The following CSMD1 variants were observed in gnomAD, a reference collection of about 807,000 sequenced individuals.
The protein encoded by CSMD1 is CUB and Sushi multiple domains 1.
In CSMD1, 213 loss-of-function variants were observed where a neutral mutation model predicts 417.5. That is an observed-to-expected ratio of 0.51 (90% CI 0.46 to 0.57). The LOEUF (loss-of-function observed/expected upper bound fraction) is 0.57, where lower values mean the gene tolerates loss of function less well. CSMD1 is among the 20% of genes least tolerant of loss of function. The pLI is 0.00. For synonymous variants in CSMD1, 2,862 were observed against 1,736.8 expected, an observed-to-expected ratio of 1.65 and a Z score of -16.11; for missense variants, 6,923 against 4,529.7, an observed-to-expected ratio of 1.53 and a Z score of -15.17.
intron 5 of CSMD1, among the ~76,000 whole-genome samples, chr8:3,846,162 C>A (rs1362921516): frequency 6.6e-6 from 1 of 152,120 alleles, no homozygotes; most frequent in African/African-American, 2.4e-5. Flanking sequence ...AAGCATTATG[C>A]ATGGTACATA....
intron 3 of CSMD1, among the ~76,000 whole-genome samples, chr8:4,344,263 T>C (rs1328118237): frequency 1.3e-5 from 2 of 152,132 alleles, no homozygotes; most frequent in Non-Finnish European, 2.9e-5. Flanking sequence ...TTACACGTGT[T>C]CATTCAATTG....
chr8:4,942,397 ATGT>A (rs1209717336), intron 1 of CSMD1, among the ~76,000 whole-genome samples: 4 of 152,186 alleles, frequency 2.6e-5, no homozygotes, highest in Admixed American at 6.5e-5. Flanking sequence ...TACTCTTATC[ATGT>A]TGTACTGGAG....
chr8:2,973,095 C>T lies in CSMD1; in HGVS notation c.8923+22G>A, dbSNP rs114211212. ...TGTGGTTTTAACTTTCAAGGTGGAC[C>T]TTAAGGCTTCTGGCTACTCACCCTC... On this transcript the variant is annotated intron_variant, in intron 57 of 69. Coordinates refer to ENST00000635120, the MANE Select transcript of CSMD1 (RefSeq NM_033225.6). 2,236 of 1,609,150 alleles carry T rather than the reference C, an allele frequency of 1.4e-3. 28 individuals carry two copies. In the African/African-American group the frequency reaches 0.025, roughly 18 times the overall value.
intron 1 of CSMD1, among the ~76,000 whole-genome samples, chr8:4,850,322 T>C (rs1239597833): frequency 6.6e-6 from 1 of 152,006 alleles, no homozygotes; most frequent in Admixed American, 6.6e-5. Context: ...CTTGTGTTTT[T>C]ACTGTCTTAA....
At chr8:4,714,212 A>G (rs1279843979) in intron 1 of CSMD1, among the ~76,000 whole-genome samples, 1 of 152,146 alleles carries the variant, frequency 6.6e-6, no homozygotes, top group East Asian at 1.9e-4. Flanking sequence ...CACCGTGTTG[A>G]CGCCTCCTCT....
At chr8:4,228,625 T>G (rs559447292) in intron 3 of CSMD1, among the ~76,000 whole-genome samples, 5 of 148,552 alleles carry the variant, frequency 3.4e-5, no homozygotes, top group East Asian at 4.0e-4. Flanking sequence ...ACTTCCCAAG[T>G]AACTTTTTCC....
intron 5 of CSMD1, among the ~76,000 whole-genome samples, chr8:3,853,250 G>C (rs574048274): frequency 6.6e-6 from 1 of 152,132 alleles, no homozygotes; most frequent in Non-Finnish European, 1.5e-5. Flanking sequence ...ATTCATTCCT[G>C]AGGCTCAGGA....
intron 10 of CSMD1, among the ~76,000 whole-genome samples, chr8:3,547,830 A>G (rs1798740026): frequency 6.6e-6 from 1 of 152,218 alleles, no homozygotes; most frequent in Non-Finnish European, 1.5e-5. Context: ...ACATGCAAAC[A>G]AAGTTTTTTA....
At chr8:4,992,829 C>T (rs906620154) in intron 1 of CSMD1, among the ~76,000 whole-genome samples, 5 of 152,214 alleles carry the variant, frequency 3.3e-5, no homozygotes, top group African/African-American at 1.2e-4. Flanking sequence ...TCCCCAGTCC[C>T]GAGCGACCAC....
At chr8:3,313,780 A>G (rs1584982638) in intron 23 of CSMD1, among the ~76,000 whole-genome samples, 2 of 152,212 alleles carry the variant, frequency 1.3e-5, no homozygotes, top group Admixed American at 1.3e-4. Context: ...GTATATACTC[A>G]AAGGATTATA....
intron 2 of CSMD1, among the ~76,000 whole-genome samples, chr8:4,610,427 A>T (rs1439757328): frequency 1.3e-5 from 2 of 152,184 alleles, no homozygotes; most frequent in Non-Finnish European, 2.9e-5. Context: ...ATGGTTAAGG[A>T]TTTATTTCCA....
chr8:3,029,635 T>TGGCACA, intron 50 of CSMD1, 122 bp from the exon 51 acceptor site: 10 of 738,084 alleles, frequency 1.4e-5, no homozygotes, highest in Non-Finnish European at 2.0e-5. Context: ...GTTGATGCCA[T>TGGCACA]TACGTATTAT....
chr8:4,205,148 A>G (rs1426168608), intron 3 of CSMD1, among the ~76,000 whole-genome samples: 1 of 152,148 alleles, frequency 6.6e-6, no homozygotes, highest in African/African-American at 2.4e-5. Flanking sequence ...GTTGAATGAA[A>G]TTGTTCTTAG....
intron 18 of CSMD1, among the ~76,000 whole-genome samples, chr8:3,380,791 G>T (rs1810581195): frequency 6.6e-6 from 1 of 151,998 alleles, no homozygotes; most frequent in Non-Finnish European, 1.5e-5. Context: ...ACCTAATGTA[G>T]ATGATGGGTT....
At chr8:3,886,796 A>C (rs944071367) in intron 5 of CSMD1, among the ~76,000 whole-genome samples, 1 of 152,196 alleles carries the variant, frequency 6.6e-6, no homozygotes. Context: ...CAAAGATTAC[A>C]GAAGGAAGGA....
intron 49 of CSMD1, among the ~76,000 whole-genome samples, chr8:3,082,595 G>A (rs1005274661): frequency 6.6e-6 from 1 of 152,190 alleles, no homozygotes; most frequent in Non-Finnish European, 1.5e-5. Context: ...CGCCTGCAGT[G>A]CGTAACTCAG....
intron 61 of CSMD1, 53 bp from the exon 62 acceptor site, chr8:2,961,267 G>C: frequency 8.9e-7 from 1 of 1,117,744 alleles, no homozygotes; most frequent in Non-Finnish European, 1.3e-6. Context: ...GTTATTGTGA[G>C]AATTTTAACA....
intron 26 of CSMD1, among the ~76,000 whole-genome samples, chr8:3,268,694 A>T (rs1023573469): frequency 2.0e-5 from 3 of 152,196 alleles, no homozygotes; most frequent in Non-Finnish European, 4.4e-5. Context: ...GTGATAATCC[A>T]GTGAATTAAA....
intron 3 of CSMD1, among the ~76,000 whole-genome samples, chr8:4,054,845 G>C (rs527893484): frequency 2.0e-5 from 3 of 152,150 alleles, no homozygotes; most frequent in Admixed American, 2.0e-4. Flanking sequence ...GCAGCCCACT[G>C]TTTGGAGAGA....
Sources: gnomAD v4.1 joint callset for allele counts (sites outside exome capture counted in the v4.1 genomes callset) on GRCh38, gnomAD v4.1.1 for gene constraint, MANE v1.5 for transcripts, NCBI Gene and HGNC (gene_info 2026-07-23, HGNC 2026-07-21) for gene names.